Variants in BTBD9 observed in about 807,000 individuals in gnomAD.
BTBD9 encodes BTB/POZ domain-containing protein 9.
In BTBD9, 49 loss-of-function variants were observed where a neutral mutation model predicts 64.3. The observed-to-expected ratio is 0.76, with a 90% CI of 0.61 to 0.97. The LOEUF is 0.97. BTBD9 is among the 50% of genes least tolerant of loss of function. BTBD9 has a pLI of 0.00. For synonymous variants in BTBD9, 260 were observed against 274.7 expected, an observed-to-expected ratio of 0.95 and a Z score of 0.53; for missense variants, 598 against 762.1, an observed-to-expected ratio of 0.78 and a Z score of 2.53.
intron 6 of BTBD9, among the ~76,000 whole-genome samples, chr6:38,387,251 A>T (rs1356738659): frequency 6.6e-6 from 1 of 152,212 alleles, no homozygotes; most frequent in Non-Finnish European, 1.5e-5. Flanking sequence ...ATAAGACAAA[A>T]GTTGGCCGGG....
chr6:38,198,721 C>A (rs1280532677), intron 9 of BTBD9, among the ~76,000 whole-genome samples: 2 of 152,208 alleles, frequency 1.3e-5, no homozygotes, highest in Non-Finnish European at 2.9e-5. Flanking sequence ...GTAAACACAG[C>A]AAACTCAACA....
chr6:38,529,598 G>A (rs765725601), intron 6 of BTBD9, among the ~76,000 whole-genome samples: 2 of 152,248 alleles, frequency 1.3e-5, no homozygotes, highest in Non-Finnish European at 2.9e-5. Flanking sequence ...CGGGAAGTCA[G>A]GGACCCCGAA....
chr6:38,229,441 C>T (rs1297016948), intron 9 of BTBD9, among the ~76,000 whole-genome samples: 1 of 152,098 alleles, frequency 6.6e-6, no homozygotes, highest in East Asian at 1.9e-4. Flanking sequence ...GATGGTTTAC[C>T]TGGATCTTGT....
intron 8 of BTBD9, among the ~76,000 whole-genome samples, chr6:38,286,479 T>C (rs1761731425): frequency 6.6e-6 from 1 of 152,124 alleles, no homozygotes; most frequent in Non-Finnish European, 1.5e-5. Flanking sequence ...ATACCTTTAC[T>C]CCAGGCAGGC....
intron 8 of BTBD9, among the ~76,000 whole-genome samples, chr6:38,257,553 C>T (rs973627198): frequency 7.5e-6 from 1 of 134,008 alleles, no homozygotes; most frequent in Non-Finnish European, 1.7e-5. Flanking sequence ...CCTTTATTAT[C>T]GTGTTTTAGT....
intron 6 of BTBD9, among the ~76,000 whole-genome samples, chr6:38,398,414 C>A (rs137990829): frequency 6.6e-6 from 1 of 152,106 alleles, no homozygotes. Context: ...GAATATAAGG[C>A]CATACCAAGG....
At chr6:38,412,326 C>T (rs1767463186) in intron 6 of BTBD9, among the ~76,000 whole-genome samples, 1 of 152,050 alleles carries the variant, frequency 6.6e-6, no homozygotes, top group South Asian at 2.1e-4. Context: ...GATCGGCAAG[C>T]ATCCCCAAAA....
chr6:38,543,753 C>T (rs906660018), intron 6 of BTBD9, among the ~76,000 whole-genome samples: 2 of 151,962 alleles, frequency 1.3e-5, no homozygotes, highest in African/African-American at 2.4e-5. Context: ...GTCAGGAGAT[C>T]GAGACCATCT....
intron 10 of BTBD9, among the ~76,000 whole-genome samples, chr6:38,175,423 C>T (rs1746918417): frequency 6.6e-6 from 1 of 152,172 alleles, no homozygotes; most frequent in Non-Finnish European, 1.5e-5. Context: ...GTTAGAGACA[C>T]CATGACACGG....
At chr6:38,450,059 T>C (rs1212590866) in intron 6 of BTBD9, among the ~76,000 whole-genome samples, 1 of 152,316 alleles carries the variant, frequency 6.6e-6, no homozygotes, top group Non-Finnish European at 1.5e-5. Flanking sequence ...AAATGTGATA[T>C]AGATAGATAC....
At chr6:38,279,006 G>T (rs1297433615) in intron 8 of BTBD9, among the ~76,000 whole-genome samples, 3 of 152,150 alleles carry the variant, frequency 2.0e-5, no homozygotes, top group Non-Finnish European at 4.4e-5. Context: ...AGTGCAGCAG[G>T]CAAATAATGA....
chr6:38,320,218 T>C (rs2127575488), intron 7 of BTBD9, among the ~76,000 whole-genome samples: 1 of 152,284 alleles, frequency 6.6e-6, no homozygotes, highest in South Asian at 2.1e-4. Context: ...TGATATTGAG[T>C]TAACCAGGTA....
intron 8 of BTBD9, among the ~76,000 whole-genome samples, chr6:38,275,048 T>C (rs1302650052): frequency 5.9e-5 from 9 of 152,216 alleles, no homozygotes; most frequent in African/African-American, 9.6e-5. Context: ...AAGTCAATCC[T>C]AAGCCAAAAG....
chr6:38,196,454 C>T lies in BTBD9; in HGVS notation c.1563-3857G>A, dbSNP rs567296786. 2.6e-5 allele frequency among the ~76,000 whole-genome samples: 4 copies of T among 152,326 alleles called. No homozygotes were observed. The East Asian group carries it at 7.7e-4, about 29-fold the overall frequency. On this transcript the variant is annotated intron_variant, in intron 9 of 10. Coordinates refer to ENST00000481247, the MANE Select transcript of BTBD9 (RefSeq NM_001099272.2). ...GAGATACAGTGTTCCTGGGCCTCAT[C>T]TGTGAGCTGTCAAGTTTGACAGTAT...
intron 9 of BTBD9, among the ~76,000 whole-genome samples, chr6:38,239,438 C>CAAAAAAAA (rs750690746): frequency 1.7e-5 from 1 of 59,058 alleles, no homozygotes; most frequent in African/African-American, 6.7e-5. Context: ...GACTCTGTCT[C>CAAAAAAAA]AAAAAAAAAA....
intron 6 of BTBD9, among the ~76,000 whole-genome samples, chr6:38,526,306 C>A (rs568840472): frequency 1.9e-4 from 29 of 152,352 alleles, no homozygotes; most frequent in Middle Eastern, 3.4e-3. Flanking sequence ...CCTGTGGGTG[C>A]ACAGAGGGCA....
At chr6:38,606,406 T>A (rs1194955993) in intron 1 of BTBD9, among the ~76,000 whole-genome samples, 1 of 152,140 alleles carries the variant, frequency 6.6e-6, no homozygotes, top group South Asian at 2.1e-4. Context: ...AATATAACAT[T>A]GTCAACACAA....
At position 38,210,293 on chromosome 6, in the gene BTBD9, ATC is replaced by A. The variant is rs373684615; in HGVS notation, c.1563-17698_1563-17697del. Reference sequence around the variant, plus strand: ...TAGCACGAACATAATTTAGATAATTATCTCTCTCTCTCTCTCTTATTCTCTGA... The same window carrying A: ...TAGCACGAACATAATTTAGATAATTATCTCTCTCTCTCTCTTATTCTCTGA... On this transcript the variant is annotated intron_variant, in intron 9 of 10. Coordinates refer to ENST00000481247, the MANE Select transcript of BTBD9 (RefSeq NM_001099272.2). 5.9e-3 allele frequency among the ~76,000 whole-genome samples: 883 copies of A among 150,648 alleles called. 10 individuals are homozygous for A. Among genetic ancestry groups the A allele is most frequent in the Middle Eastern group, 0.014 (4 of 292 alleles).
At chr6:38,291,627 G>A (rs1761958040) in intron 7 of BTBD9, among the ~76,000 whole-genome samples, 1 of 152,126 alleles carries the variant, frequency 6.6e-6, no homozygotes, top group Admixed American at 6.5e-5. Flanking sequence ...TTGGCTGTGG[G>A]TTTGTCATAA....
Sources: gnomAD v4.1 joint callset for allele counts (sites outside exome capture counted in the v4.1 genomes callset) on GRCh38, gnomAD v4.1.1 for gene constraint, MANE v1.5 for transcripts, NCBI Gene and HGNC (gene_info 2026-07-23, HGNC 2026-07-21) for gene names.